NID2: variants seen among roughly 807,000 people sequenced by gnomAD.
NID2 encodes nidogen 2, also known as nidogen-2.
Under a neutral mutation model 145.4 loss-of-function variants are expected in NID2, and 83 were observed. The observed-to-expected ratio is 0.57, with a 90% confidence interval of 0.48 to 0.69. The LOEUF is 0.69. NID2 is among the 30% of genes least tolerant of loss of function. The probability of loss-of-function intolerance (pLI) is 0.00; values close to 1 mark genes in which losing one functional copy is unlikely to be tolerated. For missense variants in NID2, 1,807 were observed against 1,765.7 expected, an observed-to-expected ratio of 1.02 and a Z score of -0.42; for synonymous variants, 739 against 701.3, an observed-to-expected ratio of 1.05 and a Z score of -0.85.
At chr14:52,015,505 G>T (rs1168884421) in intron 14 of NID2, among the ~76,000 whole-genome samples, 1 of 152,160 alleles carries the variant, frequency 6.6e-6, no homozygotes, top group Non-Finnish European at 1.5e-5. Context: ...TGCCAGGAGG[G>T]TCTGTCATCA....
rs531197805 is a variant in NID2, at chr14:52,014,169, C to T, written c.3420+118G>A. 3.7e-6 allele frequency: 5 copies of T among 1,349,730 alleles called. No individual in the cohort carries two copies. In the African/African-American group the frequency reaches 7.1e-5, roughly 19 times the overall value. 83.6% of individuals were successfully genotyped at this position (1,349,730 alleles called of 1,614,324 possible). A position where few individuals can be genotyped will look rare whatever the true frequency, so the allele number is the denominator to read the frequency against. On this transcript the variant is annotated intron_variant, in intron 16 of 21. Transcript: ENST00000216286. ...TCGGGCCCATGCCGATGGGCTGCAG[C>T]TCAGAAACCCTCCAGGACTTCCCTG... is the stretch of plus-strand genomic sequence containing the variant.
intron 8 of NID2, among the ~76,000 whole-genome samples, chr14:52,039,870 C>A (rs1302030881): frequency 6.6e-6 from 1 of 152,192 alleles, no homozygotes; most frequent in East Asian, 1.9e-4. Context: ...ATGGCAAGTC[C>A]AGGATATAAA....
At position 52,042,109 on chromosome 14, in the gene NID2, G is replaced by A. The variant is rs765967272; in HGVS notation, c.1821C>T (p.Leu607=). The A allele has an allele frequency of 1.9e-5, 30 of 1,590,720 alleles. No homozygotes were observed. The East Asian group carries it at 2.2e-4, about 12-fold the overall frequency. The stretch of plus-strand genomic sequence containing the variant: ...CTTCTCAGAGGCCCTACTCACCTGC[G>A]AGGCTGAAGCCGTTCTCAGAGCCAG... ...EKPGSENGFS[L]AGAAFTHDME... Residue 607 remains leucine (L), a synonymous_variant, in exon 7 of 22, where the codon CTC becomes CTT. Coordinates refer to ENST00000216286, the MANE Select transcript of NID2 (RefSeq NM_007361.4).
rs1892332921 is a variant in NID2 at position 52,042,810 on chromosome 14, A to G, written c.1551T>C (p.Tyr517=). ...GFCCHCQSKF[Y]GNGKHCLPEG... Reference sequence around the variant, plus strand: ...CAGGCAGACAGTGCTTCCCATTTCCATAAAACTTGGATTGGCAGTGGCAGC... The same window carrying G: ...CAGGCAGACAGTGCTTCCCATTTCCGTAAAACTTGGATTGGCAGTGGCAGC... Residue 517 remains tyrosine, a synonymous_variant, in exon 6 of 22, where the codon TAT becomes TAC. Coordinates refer to ENST00000216286, the MANE Select transcript of NID2 (RefSeq NM_007361.4). 3 of 1,614,042 alleles carry G rather than the reference A, an allele frequency of 1.9e-6. No homozygotes were observed. The highest frequency in any genetic ancestry group is 2.2e-5 in the East Asian group (1 of 44,892).
In NID2 at chr14:52,068,102, T is replaced by C. The variant is rs374386429; in HGVS notation, c.290A>G (p.Tyr97Cys). 3 of 1,613,352 alleles carry C rather than the reference T, an allele frequency of 1.9e-6. No homozygotes were observed. In the South Asian group the frequency reaches 3.3e-5, roughly 18 times the overall value. The part of the protein sequence containing the change: ...DFPRETQYVD[Y>C]DFPTDFPAIA... ...GGCCGGGAAGTCGGTGGGGAAATCA[T>C]AGTCCACATACTGCGTTTCCCTGGG... The change falls in exon 2 of 22, where the codon TAT becomes TGT. Residue 97 changes from tyrosine (Y) to cysteine (C), a missense_variant. Transcript: ENST00000216286.
At chr14:52,033,434 A>G (rs971652110) in intron 9 of NID2, among the ~76,000 whole-genome samples, 1 of 152,246 alleles carries the variant, frequency 6.6e-6, no homozygotes, top group East Asian at 1.9e-4. Flanking sequence ...GCTGACTCAC[A>G]CTTAAAGCTT....
chr14:52,008,334 GC>G (rs1276542766), intron 18 of NID2: 2 of 166,678 alleles, frequency 1.2e-5, no homozygotes, highest in African/African-American at 4.8e-5. Context: ...GCCCATGTGA[GC>G]ATGCTTGGGC....
At chr14:52,051,801 G>T (rs1198746480) in intron 5 of NID2, among the ~76,000 whole-genome samples, 3 of 152,220 alleles carry the variant, frequency 2.0e-5, no homozygotes, top group East Asian at 1.9e-4. Context: ...TTTCACAGGC[G>T]TTTTTTGCCA....
At chr14:52,040,895 G>C (rs185447875) in intron 7 of NID2, 44 bp from the exon 8 acceptor site, 1 of 1,577,114 alleles carries the variant, frequency 6.3e-7, no homozygotes, top group Non-Finnish European at 8.7e-7. Context: ...AAGAGGTCTT[G>C]CTTAAACAGT....
At chr14:52,008,169 G>T (rs927884733) in intron 18 of NID2, 7 of 458,960 alleles carry the variant, frequency 1.5e-5, no homozygotes, top group Non-Finnish European at 2.3e-5. Flanking sequence ...GCCGATATTC[G>T]GTCTCAAAAA....
At chr14:52,057,703 C>CAA (rs5808649) in intron 3 of NID2, among the ~76,000 whole-genome samples, 17 of 89,608 alleles carry the variant, frequency 1.9e-4, no homozygotes, top group African/African-American at 4.0e-4. Context: ...ACCTCCGTCT[C>CAA]AAAAAAAAAA....
At chr14:52,057,798 A>G (rs1892906402) in intron 3 of NID2, among the ~76,000 whole-genome samples, 2 of 151,954 alleles carry the variant, frequency 1.3e-5, no homozygotes, top group South Asian at 2.1e-4. Flanking sequence ...AATCTAGGTG[A>G]TGGGCATTTG....
rs201252183 is a variant in NID2 at position 52,042,856 on chromosome 14, G to C, written c.1505C>G (p.Thr502Arg). The C allele has an allele frequency of 3.1e-6, 5 of 1,614,052 alleles. No individual in the cohort carries two copies. The highest frequency in any genetic ancestry group is 2.7e-5 in the African/African-American group (2 of 74,926). Reference protein sequence around the residue: ...HRQCSRHAFCTDYATGFCCHC... With the variant: ...HRQCSRHAFCRDYATGFCCHC... ...GCAGCAGAAGCCAGTGGCATAGTCC[G>C]TGCAGAAGGCATGCCGGGAGCATTG... The change falls in exon 6 of 22, where the codon ACG (threonine) becomes AGG (arginine). Residue 502 changes from threonine to arginine, a missense_variant. By Grantham distance (71) the Thr-to-Arg change is moderately conservative. Coordinates refer to ENST00000216286, the MANE Select transcript of NID2 (RefSeq NM_007361.4).
At chr14:52,013,978 A>G (rs982441480) in intron 16 of NID2, among the ~76,000 whole-genome samples, 3 of 152,210 alleles carry the variant, frequency 2.0e-5, no homozygotes, top group Non-Finnish European at 4.4e-5. Flanking sequence ...TTAGGGTAAG[A>G]GTCGGTCCAT....
chr14:52,068,722 A>G, intron 1 of NID2, 45 bp downstream of exon 1: 1 of 1,531,482 alleles, frequency 6.5e-7, no homozygotes, highest in Non-Finnish European at 8.9e-7. Context: ...GACCGACCCC[A>G]GGGAAGAAGC....
chr14:52,019,668 G>C (rs561346903), intron 13 of NID2, among the ~76,000 whole-genome samples: 1 of 151,970 alleles, frequency 6.6e-6, no homozygotes, highest in Non-Finnish European at 1.5e-5. Flanking sequence ...CACCACTCAC[G>C]AGACTGCACC....
rs75685646 is a variant in NID2, at chr14:52,043,984, G to A, written c.1430-1053C>T. Among the ~76,000 whole-genome samples the A allele has an allele frequency of 4.8e-3, 723 of 152,152 alleles. 8 individuals are homozygous for A. Among genetic ancestry groups the A allele is most frequent in the African/African-American group, 0.016 (675 of 41,520 alleles). On this transcript the variant is annotated intron_variant, in intron 5 of 21. Coordinates refer to ENST00000216286, the MANE Select transcript of NID2 (RefSeq NM_007361.4). ...GGCATGGAATTCTAGTGTGAGACACGGATGCTGGCATGAAGGAGGACACCC... is the reference window on the plus strand; with the variant it reads ...GGCATGGAATTCTAGTGTGAGACACAGATGCTGGCATGAAGGAGGACACCC...
chr14:52,032,050 C>A (rs1467545671), intron 9 of NID2, among the ~76,000 whole-genome samples: 2 of 152,220 alleles, frequency 1.3e-5, no homozygotes, highest in Admixed American at 6.5e-5. Context: ...GGCATTCTCC[C>A]CCGTGCCTGC....
intron 5 of NID2, among the ~76,000 whole-genome samples, chr14:52,052,746 A>G (rs981310741): frequency 6.6e-6 from 1 of 152,138 alleles, no homozygotes; most frequent in South Asian, 2.1e-4. Context: ...CAAAGCAGTC[A>G]CCTCTGACCT....
Sources: gnomAD v4.1 joint callset for allele counts (sites outside exome capture counted in the v4.1 genomes callset) on GRCh38, gnomAD v4.1.1 for gene constraint, MANE v1.5 for transcripts, NCBI Gene and HGNC (gene_info 2026-07-23, HGNC 2026-07-21) for gene names.